PUS10: variants seen among roughly 807,000 people sequenced by gnomAD.
PUS10 encodes pseudouridine synthase 10.
In PUS10, 59 loss-of-function variants were observed where a neutral mutation model predicts 75.0. The observed-to-expected ratio is 0.79, with a 90% CI of 0.64 to 0.98. The LOEUF is 0.98. Ranked by LOEUF, PUS10 falls within the 50% of genes least tolerant of loss-of-function variation. The pLI, the probability that PUS10 is intolerant of heterozygous loss-of-function variation, is 0.00. For missense variants in PUS10, 650 were observed against 614.4 expected (o/e 1.06, Z -0.61); for synonymous variants, 219 against 211.6 (o/e 1.03, Z -0.30).
chr2:60,961,197 C>A lies in PUS10; in HGVS notation c.874+266G>T, dbSNP rs185399607. Among the ~76,000 whole-genome samples the A allele has an allele frequency of 4.6e-5, 7 of 152,320 alleles. No individual in the cohort carries two copies. The East Asian group carries it at 1.3e-3, about 29-fold the overall frequency. On this transcript the variant is annotated intron_variant, in intron 10 of 17. Coordinates refer to ENST00000316752, the MANE Select transcript of PUS10 (RefSeq NM_144709.4). ...GTCTCTGCATCTACCCATATTTCTA[C>A]TTGGCCATCTCTGATGAGAACTATT... is the stretch of plus-strand genomic sequence containing the variant.
At position 61,018,136 on chromosome 2, in the gene PUS10, T is replaced by C; in HGVS notation, c.-144A>G. The stretch of plus-strand genomic sequence containing the variant: ...AAAGAAAGGGGGGCGGCTTCCTACC[T>C]ACCGCTTCTGTTTTCACTTTGACAG... On this transcript the variant is annotated 5_prime_UTR_variant, in exon 1 of 18. Transcript: ENST00000316752. The C allele has an allele frequency of 6.5e-7, 1 of 1,549,848 alleles. No individual in the cohort carries two copies. The highest frequency in any genetic ancestry group is 2.0e-5 in the Admixed American group (1 of 50,952).
chr2:61,002,789 A>C (rs1399671376), intron 4 of PUS10, among the ~76,000 whole-genome samples: 1 of 152,250 alleles, frequency 6.6e-6, no homozygotes, highest in Non-Finnish European at 1.5e-5. Flanking sequence ...TTACTCTCTT[A>C]TAATCTCAAA....
At position 60,978,085 on chromosome 2, in the gene PUS10, G is replaced by A. The variant is rs188402153; in HGVS notation, c.469-6528C>T. ...AAGGATCCTCGGCTCAGTCTTGCAGGAGAAGTGACACCTAATCTGAGCTTC... is the reference window on the plus strand; with the variant it reads ...AAGGATCCTCGGCTCAGTCTTGCAGAAGAAGTGACACCTAATCTGAGCTTC... On this transcript the variant is annotated intron_variant, in intron 4 of 17. Coordinates refer to ENST00000316752, the MANE Select transcript of PUS10 (RefSeq NM_144709.4). Among the ~76,000 whole-genome samples the A allele has an allele frequency of 1.1e-4, 16 of 152,232 alleles. No homozygotes were observed. In the East Asian group the frequency reaches 3.1e-3, roughly 29 times the overall value.
At position 60,942,064 on chromosome 2, in the gene PUS10, G is replaced by C; in HGVS notation, c.*331C>G. ...GGAGGGAAATCTTGCTGAAATTACA[G>C]CTTCTTAGGTTAACAGAGAATGTGT... On this transcript the variant is annotated 3_prime_UTR_variant, in exon 18 of 18. Transcript: ENST00000316752. 1 of 225,846 alleles carries C rather than the reference G, an allele frequency of 4.4e-6. No individual in the cohort carries two copies. The allele number at this position is 225,846 out of a possible 1,614,324, so 14.0% of individuals were successfully genotyped here.
rs535184000 is a variant in PUS10, at chr2:60,982,732, T to C, written c.469-11175A>G. 9.2e-5 allele frequency among the ~76,000 whole-genome samples: 14 copies of C among 152,310 alleles called. No individual in the cohort carries two copies. In the East Asian group the frequency reaches 2.3e-3, roughly 25 times the overall value. ...AGCGTAAGAAAACCTCACAGTTCTT[T>C]CCAAAAGTTTTACATAATCTAATAT... On this transcript the variant is annotated intron_variant, in intron 4 of 17. Coordinates refer to ENST00000316752, the MANE Select transcript of PUS10 (RefSeq NM_144709.4).
intron 15 of PUS10, among the ~76,000 whole-genome samples, chr2:60,951,396 A>G (rs868453553): frequency 2.7e-4 from 41 of 152,298 alleles, no homozygotes; most frequent in African/African-American, 9.6e-4. Context: ...GTAATATATA[A>G]TGAAATAATT....
chr2:60,947,482 A>T (rs551662547), intron 16 of PUS10, among the ~76,000 whole-genome samples: 3 of 152,230 alleles, frequency 2.0e-5, no homozygotes, highest in African/African-American at 7.2e-5. Flanking sequence ...AGGAAACATA[A>T]CTTTAAAGCT....
intron 1 of PUS10, among the ~76,000 whole-genome samples, chr2:61,014,310 C>T (rs557846887): frequency 1.3e-5 from 2 of 152,120 alleles, no homozygotes; most frequent in East Asian, 1.9e-4. Flanking sequence ...CCCCAGGAGG[C>T]GGAGGGTGCA....
At chr2:60,986,582 G>A (rs1677736641) in intron 4 of PUS10, among the ~76,000 whole-genome samples, 1 of 152,144 alleles carries the variant, frequency 6.6e-6, no homozygotes. Context: ...GTGAAAAATA[G>A]GTTTGGTTAT....
At chr2:60,960,364 AG>A in intron 11 of PUS10, 27 bp downstream of exon 11, 1 of 1,479,634 alleles carries the variant, frequency 6.8e-7, no homozygotes, top group Non-Finnish European at 8.9e-7. Context: ...AAAAAAAGAA[AG>A]AAAAGTATGA....
Position 60,960,534 on chromosome 2 carries a change from C to A in PUS10, c.875-17G>T. The A allele has an allele frequency of 1.3e-6, 2 of 1,562,482 alleles. No homozygotes were observed. The highest frequency in any genetic ancestry group is 2.4e-5 in the South Asian group (2 of 81,704). On this transcript the variant is annotated splice_polypyrimidine_tract_variant and intron_variant, in intron 10 of 17. Coordinates refer to ENST00000316752, the MANE Select transcript of PUS10 (RefSeq NM_144709.4). ...TATATCTCCCTGAGAAAGAAATAAT[C>A]AGATAGCCTGGATGGAATGGAGTAA... is the stretch of plus-strand genomic sequence containing the variant.
At chr2:61,014,276 G>A (rs1165375409) in intron 1 of PUS10, among the ~76,000 whole-genome samples, 1 of 152,016 alleles carries the variant, frequency 6.6e-6, no homozygotes, top group African/African-American at 2.4e-5. Context: ...CACTCAGGAG[G>A]CTGAGACAAG....
intron 12 of PUS10, among the ~76,000 whole-genome samples, chr2:60,954,752 C>G (rs559716870): frequency 1.3e-5 from 2 of 152,274 alleles, no homozygotes; most frequent in African/African-American, 4.8e-5. Context: ...GAAAAAAAAT[C>G]AAGCACCTCT....
intron 4 of PUS10, among the ~76,000 whole-genome samples, chr2:60,977,350 G>T (rs965753208): frequency 6.6e-6 from 1 of 152,178 alleles, no homozygotes; most frequent in Non-Finnish European, 1.5e-5. Context: ...GTTCATAAGT[G>T]AGGTTAGGGG....
At chr2:60,996,925 TG>T (rs1678503950) in intron 4 of PUS10, among the ~76,000 whole-genome samples, 1 of 152,358 alleles carries the variant, frequency 6.6e-6, no homozygotes, top group African/African-American at 2.4e-5. Context: ...GGTTTACACT[TG>T]GGTGGTGGCC....
intron 4 of PUS10, among the ~76,000 whole-genome samples, chr2:60,975,395 T>C (rs1018753045): frequency 6.6e-6 from 1 of 152,098 alleles, no homozygotes; most frequent in Non-Finnish European, 1.5e-5. Flanking sequence ...TCCGCCCGCC[T>C]TGGCCTCCCA....
chr2:61,014,128 C>G (rs1159510454), intron 1 of PUS10, among the ~76,000 whole-genome samples: 3 of 152,124 alleles, frequency 2.0e-5, no homozygotes, highest in African/African-American at 7.2e-5. Context: ...AATCCCAGCA[C>G]TTTGGGAAGC....
At chr2:61,010,605 G>A (rs1329443961) in intron 2 of PUS10, 3 of 599,676 alleles carry the variant, frequency 5.0e-6, no homozygotes, top group Non-Finnish European at 8.3e-6. Context: ...GATTACAGGC[G>A]TGAGCCACCG....
chr2:61,008,491 CA>C (rs747659074), intron 3 of PUS10, among the ~76,000 whole-genome samples: 1 of 149,460 alleles, frequency 6.7e-6, no homozygotes. Context: ...AACTCCATCT[CA>C]AAAAAAAAGA....
Sources: allele counts gnomAD v4.1 joint callset (sites outside exome capture counted in the v4.1 genomes callset), GRCh38; gene constraint gnomAD v4.1.1; transcripts MANE v1.5; gene names NCBI Gene and HGNC (gene_info 2026-07-23, HGNC 2026-07-21).